Variants in CHLSN observed in about 807,000 individuals in gnomAD.
CHLSN encodes the protein protein cholesin.
chr7:1,101,531 C>T, the CHLSN span, among the ~76,000 whole-genome samples: 2 of 152,258 alleles, frequency 1.3e-5, no homozygotes, highest in Non-Finnish European at 2.9e-5. Flanking sequence ...TGCTCCCGCC[C>T]CTTCCCCGGC....
chr7:984,830 TG>T, the CHLSN span: 2 of 1,358,636 alleles, frequency 1.5e-6, no homozygotes, highest in Non-Finnish European at 9.9e-7. Context: ...GGAGTGGGGA[TG>T]GGGGTGAGGG....
At chr7:1,029,983 G>A in the CHLSN span, among the ~76,000 whole-genome samples, 1 of 152,230 alleles carries the variant, frequency 6.6e-6, no homozygotes, top group African/African-American at 2.4e-5. Context: ...CTATGCAGCA[G>A]TGCTTCCGAT....
chr7:1,122,690 G>A, the CHLSN span, among the ~76,000 whole-genome samples: 2 of 152,284 alleles, frequency 1.3e-5, no homozygotes, highest in South Asian at 4.1e-4. Context: ...CTCACAACCC[G>A]CTCAAGTGGG....
At chr7:1,061,989 C>G in the CHLSN span, among the ~76,000 whole-genome samples, 1 of 152,174 alleles carries the variant, frequency 6.6e-6, no homozygotes, top group Admixed American at 6.5e-5. Context: ...TTAATTCTTC[C>G]AGGCAGCCGT....
At chr7:1,126,334 T>C in the CHLSN span, among the ~76,000 whole-genome samples, 13 of 116,924 alleles carry the variant, frequency 1.1e-4, no homozygotes, top group Admixed American at 1.6e-3. Context: ...CACTCCAGCC[T>C]GGGTGACAGA....
the CHLSN span, among the ~76,000 whole-genome samples, chr7:1,018,564 G>A: frequency 7.9e-5 from 12 of 151,786 alleles, no homozygotes; most frequent in East Asian, 2.2e-3. Context: ...CCTGGCGTGG[G>A]CTCCAGCTGA....
At chr7:991,348 G>GC in the CHLSN span, among the ~76,000 whole-genome samples, 3 of 152,258 alleles carry the variant, frequency 2.0e-5, no homozygotes, top group East Asian at 5.8e-4. Flanking sequence ...TACAGCCAGG[G>GC]CCCCCCAAGT....
chr7:1,058,372 T>C, the CHLSN span: 1 of 780,388 alleles, frequency 1.3e-6, no homozygotes, highest in Non-Finnish European at 2.4e-6. Flanking sequence ...CTCCTGGCCT[T>C]CTCCAGCAGC....
chr7:1,012,950 A>T, the CHLSN span, among the ~76,000 whole-genome samples: 1 of 152,242 alleles, frequency 6.6e-6, no homozygotes, highest in Admixed American at 6.5e-5. Context: ...TCTTGGGATG[A>T]CACAGGCGGG....
At chr7:1,117,600 T>A in the CHLSN span, among the ~76,000 whole-genome samples, 1 of 127,570 alleles carries the variant, frequency 7.8e-6, no homozygotes, top group Non-Finnish European at 1.6e-5. Context: ...TGGACCGGCT[T>A]CCATCACCGA....
the CHLSN span, among the ~76,000 whole-genome samples, chr7:1,009,142 G>A: frequency 6.6e-6 from 1 of 151,988 alleles, no homozygotes; most frequent in Non-Finnish European, 1.5e-5. Flanking sequence ...ATCTCTCCGA[G>A]GAGGTCATCT....
chr7:1,081,729 AACCC>A, the CHLSN span, among the ~76,000 whole-genome samples: 1 of 112,136 alleles, frequency 8.9e-6, no homozygotes, highest in Non-Finnish European at 1.8e-5. Context: ...AGGCCTCTCG[AACCC>A]ATGGCTTTCT....
chr7:1,105,690 C>T, the CHLSN span, among the ~76,000 whole-genome samples: 2 of 152,182 alleles, frequency 1.3e-5, no homozygotes, highest in African/African-American at 4.8e-5. Context: ...TCTCGGCTCA[C>T]TGCAACCTCC....
At chr7:1,071,033 T>G in the CHLSN span, among the ~76,000 whole-genome samples, 2 of 152,166 alleles carry the variant, frequency 1.3e-5, no homozygotes, top group Non-Finnish European at 2.9e-5. Context: ...CACACACATG[T>G]ACATGCAGCC....
chr7:1,006,630 C>T, the CHLSN span, among the ~76,000 whole-genome samples: 2 of 148,148 alleles, frequency 1.3e-5, no homozygotes, highest in Non-Finnish European at 3.0e-5. Flanking sequence ...GAGCGCACGA[C>T]GGCCACAGCG....
At chr7:984,977 G>T in the CHLSN span, 2 of 1,607,776 alleles carry the variant, frequency 1.2e-6, no homozygotes, top group Admixed American at 3.3e-5. Flanking sequence ...GGGGCGCGCT[G>T]GAGGGCTGCC....
At chr7:1,066,004 C>T in the CHLSN span, among the ~76,000 whole-genome samples, 1 of 152,220 alleles carries the variant, frequency 6.6e-6, no homozygotes, top group South Asian at 2.1e-4. Context: ...CCGCCGAGGA[C>T]CAGAGCGCCT....
chr7:1,010,313 G>A, the CHLSN span, among the ~76,000 whole-genome samples: 34,195 of 152,204 alleles, frequency 0.22, 4,052 homozygotes, highest in African/African-American at 0.28. Flanking sequence ...GTGCTACGAC[G>A]AAGAGACAGA....
the CHLSN span, among the ~76,000 whole-genome samples, chr7:1,066,292 C>T: frequency 6.6e-6 from 1 of 152,226 alleles, no homozygotes; most frequent in East Asian, 1.9e-4. Flanking sequence ...TAGGTGTCTG[C>T]GCATCCGGCG....
Sources: gnomAD v4.1 joint callset for allele counts (sites outside exome capture counted in the v4.1 genomes callset) on GRCh38, gnomAD v4.1.1 for gene constraint, MANE v1.5 for transcripts, NCBI Gene and HGNC (gene_info 2026-07-23, HGNC 2026-07-21) for gene names.